The following TTLL4 variants were observed in gnomAD, a reference collection of about 807,000 sequenced individuals.
TTLL4 encodes the protein tubulin tyrosine ligase like 4, also known as tubulin monoglutamylase TTLL4.
Under a neutral mutation model 122.7 loss-of-function variants are expected in TTLL4, and 85 were observed. The ratio of observed to expected loss-of-function variants is 0.69; its 90% CI spans 0.58 to 0.83. The LOEUF (loss-of-function observed/expected upper bound fraction) is 0.83. Ranked by LOEUF, TTLL4 falls within the 40% of genes least tolerant of loss-of-function variation. The pLI is 0.00. For missense variants in TTLL4, 1,363 were observed against 1,488.6 expected (o/e 0.92, Z 1.39); for synonymous variants, 553 against 563.0 (o/e 0.98, Z 0.25).
intron 2 of TTLL4, among the ~76,000 whole-genome samples, chr2:218,727,763 A>G (rs1242750425): frequency 1.3e-5 from 2 of 152,092 alleles, no homozygotes; most frequent in African/African-American, 4.8e-5. Context: ...AACAAACAAA[A>G]AAACCCTGCT....
At chr2:218,741,573 G>A (rs547554736) in intron 5 of TTLL4, among the ~76,000 whole-genome samples, 5 of 152,262 alleles carry the variant, frequency 3.3e-5, no homozygotes, top group South Asian at 4.1e-4. Flanking sequence ...AAGTGGGAGC[G>A]AGAACTGGGA....
rs1479842772 is a variant in TTLL4 at position 218,729,047 on chromosome 2, C to A, written c.-99+1700C>A. On this transcript the variant is annotated intron_variant, in intron 2 of 19. Coordinates refer to ENST00000392102, the MANE Select transcript of TTLL4 (RefSeq NM_014640.5). ...TCCCAGGTTCAAGAGATGCTCCTGC[C>A]TCAGCCTCCCAAGTAGCTGGGATTA... Among the ~76,000 whole-genome samples the A allele has an allele frequency of 5.3e-5, 8 of 151,818 alleles. No individual in the cohort carries two copies. The East Asian group carries it at 1.4e-3, about 26-fold the overall frequency.
At chr2:218,724,517 C>A (rs572856938) in intron 1 of TTLL4, among the ~76,000 whole-genome samples, 1 of 152,294 alleles carries the variant, frequency 6.6e-6, no homozygotes, top group South Asian at 2.1e-4. Flanking sequence ...TGAGTGAGAA[C>A]ATGCCGTATT....
At position 218,747,443 on chromosome 2, in the gene TTLL4, G is replaced by T. The variant is rs1234674574; in HGVS notation, c.2249+71G>T. On this transcript the variant is annotated intron_variant, in intron 10 of 19. Coordinates refer to ENST00000392102, the MANE Select transcript of TTLL4 (RefSeq NM_014640.5). This position sits in a 1 kb window ranked among gnomAD's most constrained non-coding sequence, Gnocchi z 4.7. ...GGCCTCGAGGTTCCCTTCTTACAAT[G>T]TTCTGCCCTTTGTTCTCCCAGCCAA... is the stretch of plus-strand genomic sequence containing the variant. 2.5e-6 allele frequency: 4 copies of T among 1,584,396 alleles called. No individual in the cohort carries two copies. The African/African-American group carries it at 5.4e-5, about 21-fold the overall frequency.
Position 218,753,410 on chromosome 2 carries a change from G to A in TTLL4, c.3259-174G>A, listed in dbSNP as rs1418690675. ...AGTGCTTTGTAGGCCTCAACTTCTT[G>A]TTTGATTCAGAAGAGAACTGAGACT... On this transcript the variant is annotated intron_variant, in intron 18 of 19. Transcript: ENST00000392102. 7 of 831,726 alleles carry A rather than the reference G, an allele frequency of 8.4e-6. No homozygotes were observed. In the East Asian group the frequency reaches 1.5e-4, roughly 17 times the overall value. 51.5% of individuals were successfully genotyped at this position (831,726 alleles called of 1,614,324 possible). A position where few individuals can be genotyped will look rare whatever the true frequency, so the allele number is the denominator to read the frequency against.
chr2:218,753,477 G>A, intron 18 of TTLL4, 107 bp from the exon 19 acceptor site: 1 of 1,137,426 alleles, frequency 8.8e-7, no homozygotes, highest in Non-Finnish European at 1.3e-6. Context: ...GGGAAGGGGA[G>A]AACCCCATGA....
chr2:218,751,588 A>G, intron 15 of TTLL4, 116 bp from the exon 16 acceptor site: 1 of 1,403,772 alleles, frequency 7.1e-7, no homozygotes, highest in Admixed American at 3.0e-5. Context: ...ACCTCTGTTC[A>G]TACATCTTTG....
At chr2:218,753,736 C>T in intron 19 of TTLL4, 67 bp downstream of exon 19, 5 of 1,538,702 alleles carry the variant, frequency 3.2e-6, no homozygotes, top group Non-Finnish European at 1.8e-6. Context: ...TCCTTCCCCT[C>T]TTCCCAGACT....
Position 218,745,103 on chromosome 2 carries a change from T to C in TTLL4, c.1662-6T>C. On this transcript the variant is annotated splice_polypyrimidine_tract_variant and splice_region_variant and intron_variant, in intron 5 of 19. Transcript: ENST00000392102. ...TTCTCTACTCCATGTTTGTTTTTCGTCTTAGAAGCTGTATGGAAATTCTGA... is the reference window on the plus strand; with the variant it reads ...TTCTCTACTCCATGTTTGTTTTTCGCCTTAGAAGCTGTATGGAAATTCTGA... The C allele has an allele frequency of 6.2e-7, 1 of 1,613,912 alleles. No homozygotes were observed. The highest frequency in any genetic ancestry group is 1.1e-5 in the South Asian group (1 of 91,062).
intron 16 of TTLL4, 98 bp downstream of exon 16, chr2:218,751,904 C>CTTTTGT: frequency 3.8e-6 from 2 of 526,010 alleles, no homozygotes; most frequent in Non-Finnish European, 2.9e-6. Flanking sequence ...TTTTTCTTTT[C>CTTTTGT]TTTTTCTTTT....
At chr2:218,717,168 G>A (rs540280062) in intron 1 of TTLL4, among the ~76,000 whole-genome samples, 2 of 151,628 alleles carry the variant, frequency 1.3e-5, no homozygotes, top group East Asian at 1.9e-4. Context: ...TCACCATGTT[G>A]CCCATGCTGG....
intron 5 of TTLL4, 89 bp downstream of exon 5, chr2:218,740,673 C>T (rs529524894): frequency 6.8e-6 from 10 of 1,468,702 alleles, no homozygotes; most frequent in Middle Eastern, 1.8e-4. Flanking sequence ...TCATTAATGG[C>T]CTGGAGAACT....
chr2:218,757,365 G>A (rs1575189021), downstream of TTLL4, among the ~76,000 whole-genome samples: 2 of 152,228 alleles, frequency 1.3e-5, no homozygotes, highest in Middle Eastern at 3.4e-3. Context: ...ACTCCTCTGG[G>A]GATTTATTCT....
chr2:218,723,696 A>G (rs1017622710), intron 1 of TTLL4, among the ~76,000 whole-genome samples: 2 of 152,214 alleles, frequency 1.3e-5, no homozygotes, highest in African/African-American at 2.4e-5. Context: ...ATAAGATGCA[A>G]CTAAGGATAT....
At chr2:218,743,296 T>A (rs1372843253) in intron 5 of TTLL4, among the ~76,000 whole-genome samples, 1 of 152,258 alleles carries the variant, frequency 6.6e-6, no homozygotes, top group East Asian at 1.9e-4. Flanking sequence ...ATCACAGCAG[T>A]ATGTCACCTT....
intron 8 of TTLL4, chr2:218,746,461 C>T: frequency 1.8e-6 from 1 of 553,692 alleles, no homozygotes; most frequent in Non-Finnish European, 3.2e-6. Context: ...ATGTAGGGGG[C>T]AGCTGAGTCC....
chr2:218,749,110 C>G lies in TTLL4; in HGVS notation c.2601-143C>G. On this transcript the variant is annotated intron_variant, in intron 13 of 19. Transcript: ENST00000392102. ...TGAACCTCATCCCCAGGAGCTGGTC[C>G]CAGATCAGAGGTGTCACTTGAGAGC... 3.1e-6 allele frequency: 4 copies of G among 1,309,242 alleles called. No individual in the cohort carries two copies. In the South Asian group the frequency reaches 5.7e-5, roughly 19 times the overall value. The allele number at this position is 1,309,242 out of a possible 1,614,324, so 81.1% of individuals were successfully genotyped here. A position where few individuals can be genotyped will look rare whatever the true frequency, so the allele number is the denominator to read the frequency against.
Position 218,738,597 on chromosome 2 carries a change from G to A in TTLL4, c.921G>A (p.Arg307=), listed in dbSNP as rs1332846743. Residue 307 remains arginine (R), a synonymous_variant, in exon 3 of 20, where the codon CGG becomes CGA. Coordinates refer to ENST00000392102, the MANE Select transcript of TTLL4 (RefSeq NM_014640.5). The stretch of plus-strand genomic sequence containing the variant: ...GTGTTGCCTCTTCCTGGTATAACCG[G>A]AATAACTTAGCCATGAGGGCAGAGC... ...TTSVASSWYN[R]NNLAMRAEPL... is the part of the protein sequence containing the mutation. 3.7e-6 allele frequency: 6 copies of A among 1,614,210 alleles called. No homozygotes were observed. Among genetic ancestry groups the A allele is most frequent in the Non-Finnish European group, 1.7e-6 (2 of 1,180,042 alleles).
At chr2:218,751,349 A>T (rs1318690881) in intron 15 of TTLL4, among the ~76,000 whole-genome samples, 1 of 152,222 alleles carries the variant, frequency 6.6e-6, no homozygotes, top group African/African-American at 2.4e-5. Flanking sequence ...AGGTTAAGTC[A>T]GTTGCCCAGG....
Sources: gnomAD v4.1 joint callset for allele counts (sites outside exome capture counted in the v4.1 genomes callset) on GRCh38, gnomAD v4.1.1 for gene constraint, Gnocchi (gnomAD v3.1) non-coding constraint, MANE v1.5 for transcripts, NCBI Gene and HGNC (gene_info 2026-07-23, HGNC 2026-07-21) for gene names.